Variants in ANKRD6 observed in about 807,000 individuals in gnomAD.
ANKRD6 encodes the protein ankyrin repeat domain-containing protein 6.
A neutral mutation model predicts 82.3 loss-of-function variants in ANKRD6; 56 were observed. The observed-to-expected ratio is 0.68, with a 90% CI of 0.55 to 0.85. The LOEUF is 0.85. Among genes scored for constraint, ANKRD6 ranks in the 40% least tolerant of loss-of-function variants. The pLI is 0.00. For synonymous variants in ANKRD6, 347 were observed against 352.1 expected (o/e 0.99, Z 0.16); for missense variants, 852 against 907.6 (o/e 0.94, Z 0.79).
intron 1 of ANKRD6, among the ~76,000 whole-genome samples, chr6:89,545,856 G>C (rs1785019374): frequency 6.6e-6 from 1 of 152,194 alleles, no homozygotes; most frequent in African/African-American, 2.4e-5. Flanking sequence ...CCAGACTGGA[G>C]TGCAGTGGTG....
At chr6:89,484,300 T>C (rs1562608097) in intron 1 of ANKRD6, among the ~76,000 whole-genome samples, 1 of 152,244 alleles carries the variant, frequency 6.6e-6, no homozygotes, top group Non-Finnish European at 1.5e-5. Flanking sequence ...GTGATGCGCT[T>C]ACCACAGGGT....
chr6:89,499,403 A>G (rs900990210), intron 1 of ANKRD6, among the ~76,000 whole-genome samples: 18 of 152,050 alleles, frequency 1.2e-4, no homozygotes, highest in African/African-American at 2.4e-5. Flanking sequence ...ATTGATACTT[A>G]TGTGTTTGTC....
intron 2 of ANKRD6, among the ~76,000 whole-genome samples, chr6:89,583,754 T>G (rs758729608): frequency 6.6e-6 from 1 of 152,364 alleles, no homozygotes; most frequent in Non-Finnish European, 1.5e-5. Context: ...CCTCACTGCC[T>G]ATGCAGAATT....
chr6:89,459,734 C>A (rs1213877490), intron 1 of ANKRD6, among the ~76,000 whole-genome samples: 1 of 151,858 alleles, frequency 6.6e-6, no homozygotes, highest in Admixed American at 6.6e-5. Context: ...GACTCCTGAC[C>A]TGAAGCAATC....
At chr6:89,538,448 T>C (rs1003816556) in intron 1 of ANKRD6, among the ~76,000 whole-genome samples, 18 of 152,204 alleles carry the variant, frequency 1.2e-4, no homozygotes, top group African/African-American at 4.3e-4. Context: ...TGTATGGGGA[T>C]ATTCTAAGGT....
intron 1 of ANKRD6, among the ~76,000 whole-genome samples, chr6:89,506,538 C>G (rs1479722811): frequency 2.0e-5 from 3 of 152,182 alleles, no homozygotes; most frequent in African/African-American, 7.2e-5. Flanking sequence ...TGCTCTTGAA[C>G]TCCTGACGTC....
intron 4 of ANKRD6, among the ~76,000 whole-genome samples, chr6:89,605,321 G>A (rs994242235): frequency 3.9e-5 from 6 of 152,092 alleles, no homozygotes; most frequent in Non-Finnish European, 8.8e-5. Context: ...GGCAGAGGTG[G>A]CAGTGAGCTG....
At chr6:89,532,132 A>G (rs1195776686) in intron 1 of ANKRD6, among the ~76,000 whole-genome samples, 2 of 152,214 alleles carry the variant, frequency 1.3e-5, no homozygotes, top group Admixed American at 1.3e-4. Context: ...CCACACACAT[A>G]TGGAACCAAT....
chr6:89,623,980 T>TGC lies in ANKRD6; in HGVS notation c.1141_1142insGC (p.Ser381CysfsTer25). On this transcript the variant is annotated frameshift_variant, in exon 12 of 16. Coordinates refer to ENST00000339746, the MANE Select transcript of ANKRD6 (RefSeq NM_001242809.2). LOFTEE classifies it high-confidence loss of function. ...AAAGAGGAACAGGCATCGGTGTTCA[T>TGC]CCCCACCCCCACCCCATGAGTTCAG... 6.2e-7 allele frequency: 1 copy of TGC among 1,611,290 alleles called. No homozygotes were observed. Among genetic ancestry groups the TGC allele is most frequent in the Non-Finnish European group, 8.5e-7 (1 of 1,177,912 alleles).
intron 2 of ANKRD6, among the ~76,000 whole-genome samples, chr6:89,576,758 C>T (rs1357089730): frequency 2.0e-5 from 3 of 152,024 alleles, no homozygotes; most frequent in Non-Finnish European, 4.4e-5. Context: ...TCTCCATCTC[C>T]TTTTGCTTTT....
chr6:89,523,439 T>A (rs189057833), intron 1 of ANKRD6, among the ~76,000 whole-genome samples: 422 of 152,322 alleles, frequency 2.8e-3, no homozygotes, highest in African/African-American at 9.5e-3. Flanking sequence ...CTGGTTCTTT[T>A]ATTGGGAGCA....
At chr6:89,489,709 C>T (rs972842211) in intron 1 of ANKRD6, among the ~76,000 whole-genome samples, 5 of 152,166 alleles carry the variant, frequency 3.3e-5, no homozygotes, top group South Asian at 2.1e-4. Flanking sequence ...GATACAGGAG[C>T]GAGGACCTGT....
chr6:89,534,342 G>A (rs992585838), intron 1 of ANKRD6, among the ~76,000 whole-genome samples: 3 of 152,004 alleles, frequency 2.0e-5, no homozygotes, highest in South Asian at 2.1e-4. Flanking sequence ...ATTACCCTGC[G>A]GTTGTTGCCT....
At position 89,630,960 on chromosome 6, in the gene ANKRD6, G is replaced by T; in HGVS notation, c.2140G>T (p.Glu714Ter). The T allele has an allele frequency of 6.3e-7, 1 of 1,589,486 alleles. No homozygotes were observed. The highest frequency in any genetic ancestry group is 8.6e-7 in the Non-Finnish European group (1 of 1,168,490). Residue 714 changes from glutamate (E) to a stop codon, truncating the protein, a stop_gained, in exon 16 of 16, where the codon GAG (glutamate) becomes TAG (stop). Coordinates refer to ENST00000339746, the MANE Select transcript of ANKRD6 (RefSeq NM_001242809.2). LOFTEE classifies it high-confidence loss of function. ...GAAGGAACACATTAAAAGTTTAGAA[G>T]AGGAACTTGCCAAACTAAGGACTAG... ...TLKEHIKSLE[E>*]ELAKLRTRVQ...
chr6:89,525,185 T>C (rs1782324885), intron 1 of ANKRD6, among the ~76,000 whole-genome samples: 1 of 151,096 alleles, frequency 6.6e-6, no homozygotes, highest in Admixed American at 6.6e-5. Flanking sequence ...TCCGAGCTAC[T>C]AGGGAGGCTG....
intron 3 of ANKRD6, chr6:89,601,862 A>T (rs949185921): frequency 2.0e-5 from 3 of 152,166 alleles, no homozygotes; most frequent in African/African-American, 4.8e-5. Flanking sequence ...TCCTTCTTTT[A>T]AAAAATCTGT....
rs1373029012 is a variant in ANKRD6 at position 89,470,270 on chromosome 6, C to T, written c.-144+36895C>T. On this transcript the variant is annotated intron_variant, in intron 1 of 15. Coordinates refer to ENST00000339746, the MANE Select transcript of ANKRD6 (RefSeq NM_001242809.2). ...TTACAAGCTAGTTCTTGTTAATCCT[C>T]AGGAAAACGTTACTGAAAATGGCTG... Among the ~76,000 whole-genome samples, 10 of 152,126 alleles carry T rather than the reference C, an allele frequency of 6.6e-5. No individual in the cohort carries two copies. The South Asian group carries it at 1.9e-3, about 28-fold the overall frequency.
intron 1 of ANKRD6, among the ~76,000 whole-genome samples, chr6:89,564,795 G>C (rs1583308327): frequency 6.6e-6 from 1 of 152,168 alleles, no homozygotes. Context: ...CCCATTGCAA[G>C]AAAGGTTCTA....
intron 1 of ANKRD6, among the ~76,000 whole-genome samples, chr6:89,509,453 A>C (rs1780276558): frequency 6.6e-6 from 1 of 152,162 alleles, no homozygotes; most frequent in Non-Finnish European, 1.5e-5. Flanking sequence ...ACATGAAGCC[A>C]AGGGACTGGA....
Sources: allele counts gnomAD v4.1 joint callset (sites outside exome capture counted in the v4.1 genomes callset), GRCh38; gene constraint gnomAD v4.1.1; transcripts MANE v1.5; gene names NCBI Gene and HGNC (gene_info 2026-07-23, HGNC 2026-07-21).